Variants in UBE2H observed in about 807,000 individuals in gnomAD.
The protein encoded by UBE2H is ubiquitin conjugating enzyme E2 H, also known as ubiquitin-conjugating enzyme E2 H.
UBE2H carries 3 observed loss-of-function variants against 29.0 expected under a neutral mutation model. The ratio of observed to expected loss-of-function variants is 0.10; its 90% CI spans 0.05 to 0.27. The LOEUF is 0.27. Ranked by LOEUF, UBE2H falls within the 10% of genes least tolerant of loss-of-function variation. UBE2H has a pLI of 1.00. For missense variants in UBE2H, 68 were observed against 228.2 expected (o/e 0.30, Z 4.52); for synonymous variants, 69 against 82.9 (o/e 0.83, Z 0.91).
chr7:129,866,209 T>C (rs2116334666), intron 3 of UBE2H, among the ~76,000 whole-genome samples: 1 of 152,312 alleles, frequency 6.6e-6, no homozygotes, highest in East Asian at 1.9e-4. Flanking sequence ...TGATCCTGTG[T>C]GTGTTCAGGA....
At chr7:129,893,004 A>G (rs1806527753) in intron 1 of UBE2H, among the ~76,000 whole-genome samples, 1 of 152,240 alleles carries the variant, frequency 6.6e-6, no homozygotes, top group African/African-American at 2.4e-5. Flanking sequence ...ATTTCAAAAT[A>G]AATATGTATT....
intron 1 of UBE2H, among the ~76,000 whole-genome samples, chr7:129,930,801 C>T (rs11765073): frequency 6.7e-6 from 1 of 149,130 alleles, no homozygotes; most frequent in African/African-American, 2.5e-5. Context: ...CCAGCTACTC[C>T]GGAGGCTGAG....
chr7:129,936,171 G>A (rs1360646456), intron 1 of UBE2H, among the ~76,000 whole-genome samples: 1 of 152,130 alleles, frequency 6.6e-6, no homozygotes, highest in Non-Finnish European at 1.5e-5. Context: ...CTTTAAGAAT[G>A]ACATTTAAGA....
Position 129,864,556 on chromosome 7 carries a change from C to CTTTTTTTTTTTTTTTTTTT in UBE2H, c.206-5616_206-5615insAAAAAAAAAAAAAAAAAAA, listed in dbSNP as rs367930226. On this transcript the variant is annotated intron_variant, in intron 3 of 6. Coordinates refer to ENST00000355621, the MANE Select transcript of UBE2H (RefSeq NM_003344.4). ...CAGGCATTTTCTTTTTCTTTTCTTT[C>CTTTTTTTTTTTTTTTTTTT]TTTTTTTTTTTTTTTGAGACAGAAT... 1.1e-4 allele frequency among the ~76,000 whole-genome samples: 14 copies of CTTTTTTTTTTTTTTTTTTT among 130,974 alleles called. 3 individuals carry two copies. The highest frequency in any genetic ancestry group is 1.7e-4 in the Non-Finnish European group (11 of 63,976). The allele number at this position is 130,974 out of a possible 152,430, so 85.9% of individuals were successfully genotyped here. A position where few individuals can be genotyped will look rare whatever the true frequency, so the allele number is the denominator to read the frequency against.
chr7:129,893,784 T>G (rs1806547202), intron 1 of UBE2H, among the ~76,000 whole-genome samples: 1 of 152,218 alleles, frequency 6.6e-6, no homozygotes, highest in Non-Finnish European at 1.5e-5. Context: ...ATTTACATAA[T>G]GTACAAATGC....
At chr7:129,867,715 AAAGAAAACCAAAAAAAAAAAAAAAAAAG>A (rs1368894095) in intron 3 of UBE2H, among the ~76,000 whole-genome samples, 2 of 88,342 alleles carry the variant, frequency 2.3e-5, no homozygotes, top group African/African-American at 9.9e-5. Flanking sequence ...AAAAAAAAAA[AAAGAAAACCAAAAAAAAAAAAAAAAAAG>A]AAGACCATCC....
chr7:129,891,601 A>G (rs1236012410), intron 1 of UBE2H, among the ~76,000 whole-genome samples: 1 of 152,140 alleles, frequency 6.6e-6, no homozygotes, highest in African/African-American at 2.4e-5. Flanking sequence ...CAGGAGTTCA[A>G]GACCAGCCTG....
At chr7:129,907,964 A>G (rs1227261180) in intron 1 of UBE2H, among the ~76,000 whole-genome samples, 3 of 152,204 alleles carry the variant, frequency 2.0e-5, no homozygotes, top group Admixed American at 6.5e-5. Flanking sequence ...TAACACTAGT[A>G]GCCTGAAACC....
intron 1 of UBE2H, among the ~76,000 whole-genome samples, chr7:129,900,956 T>C (rs755084331): frequency 5.3e-5 from 8 of 152,060 alleles, no homozygotes; most frequent in Admixed American, 1.3e-4. Flanking sequence ...TTCACCGTGT[T>C]AGCCAGGATG....
intron 1 of UBE2H, among the ~76,000 whole-genome samples, chr7:129,911,832 G>A (rs556120597): frequency 3.9e-5 from 6 of 151,942 alleles, no homozygotes; most frequent in East Asian, 3.9e-4. Context: ...TTGTAGGGAC[G>A]ATGTCTTGAT....
chr7:129,912,456 T>C (rs1806956074), intron 1 of UBE2H, among the ~76,000 whole-genome samples: 1 of 152,140 alleles, frequency 6.6e-6, no homozygotes, highest in Non-Finnish European at 1.5e-5. Context: ...GGCTTGGCGA[T>C]CCTCCCACCT....
intron 1 of UBE2H, among the ~76,000 whole-genome samples, chr7:129,915,273 A>T (rs907203502): frequency 1.3e-5 from 2 of 152,182 alleles, no homozygotes; most frequent in African/African-American, 4.8e-5. Context: ...GCGGTGTCTC[A>T]CACCTGTAAT....
At chr7:129,836,809 G>A (rs928465805) in intron 6 of UBE2H, among the ~76,000 whole-genome samples, 1 of 148,068 alleles carries the variant, frequency 6.8e-6, no homozygotes, top group Non-Finnish European at 1.5e-5. Context: ...GAACCCGGGA[G>A]GCAGAGGCTG....
chr7:129,840,782 G>T (rs1326231562), intron 5 of UBE2H, among the ~76,000 whole-genome samples: 1 of 152,172 alleles, frequency 6.6e-6, no homozygotes, highest in African/African-American at 2.4e-5. Flanking sequence ...ATACTAAGTA[G>T]CATAAAAAAC....
intron 1 of UBE2H, among the ~76,000 whole-genome samples, chr7:129,891,351 A>G (rs924541887): frequency 1.3e-5 from 2 of 152,004 alleles, no homozygotes; most frequent in South Asian, 4.2e-4. Flanking sequence ...GCACCTGGCT[A>G]AATCTGAGCC....
intron 3 of UBE2H, among the ~76,000 whole-genome samples, chr7:129,869,891 T>C (rs1805993289): frequency 6.6e-6 from 1 of 151,862 alleles, no homozygotes; most frequent in Admixed American, 6.6e-5. Context: ...TCACCTACAA[T>C]CTTCCCTTCC....
chr7:129,901,497 G>C (rs920834602), intron 1 of UBE2H, among the ~76,000 whole-genome samples: 2 of 152,206 alleles, frequency 1.3e-5, no homozygotes, highest in African/African-American at 4.8e-5. Flanking sequence ...CAGTAGACTG[G>C]CTGGAGGGGA....
At chr7:129,890,620 C>T (rs1001484947) in intron 1 of UBE2H, among the ~76,000 whole-genome samples, 20 of 152,158 alleles carry the variant, frequency 1.3e-4, no homozygotes, top group African/African-American at 4.1e-4. Context: ...TCAGGTGATC[C>T]GCCTACCTTG....
intron 3 of UBE2H, among the ~76,000 whole-genome samples, chr7:129,878,682 C>CAAAAAAAA (rs772936668): frequency 1.3e-5 from 1 of 75,070 alleles, no homozygotes; most frequent in African/African-American, 5.8e-5. Flanking sequence ...GACTCCGTCT[C>CAAAAAAAA]AAAAAAAAAA....
Sources: gnomAD v4.1 joint callset for allele counts (sites outside exome capture counted in the v4.1 genomes callset) on GRCh38, gnomAD v4.1.1 for gene constraint, MANE v1.5 for transcripts, NCBI Gene and HGNC (gene_info 2026-07-23, HGNC 2026-07-21) for gene names.